CROCC: variants seen among roughly 807,000 people sequenced by gnomAD.
CROCC encodes ciliary rootlet coiled-coil, rootletin.
CROCC carries 180 observed loss-of-function variants against 245.2 expected under a neutral mutation model. The observed-to-expected ratio is 0.73, with a 90% CI of 0.65 to 0.83. The LOEUF is 0.83. CROCC is among the 40% of genes least tolerant of loss of function. The pLI, the probability that CROCC is intolerant of heterozygous loss-of-function variation, is 0.00. For synonymous variants in CROCC, 1,205 were observed against 1,241.6 expected (o/e 0.97, Z 0.62); for missense variants, 2,688 against 2,779.4 (o/e 0.97, Z 0.74).
chr1:16,966,213 C>T lies in CROCC; in HGVS notation c.4696+94C>T, dbSNP rs2076415349. 2 of 1,517,548 alleles carry T rather than the reference C, an allele frequency of 1.3e-6. No homozygotes were observed. The highest frequency in any genetic ancestry group is 2.0e-5 in the Admixed American group (1 of 49,212). The allele number at this position is 1,517,548 out of a possible 1,614,324, so 94.0% of individuals were successfully genotyped here. On this transcript the variant is annotated intron_variant, in intron 29 of 36. Transcript: ENST00000375541. The surrounding 1 kb of genome is among the most constrained non-coding windows in gnomAD (Gnocchi z 4.8). Reference sequence around the variant, plus strand: ...ATTGGCCTCTGACCTTGCCGTGGCCCCCATGACCTGACTCGGGGCTGTCTC... The same window carrying T: ...ATTGGCCTCTGACCTTGCCGTGGCCTCCATGACCTGACTCGGGGCTGTCTC...
chr1:16,966,297 GCAGA>G lies in CROCC; in HGVS notation c.4697-107_4697-104del. 3 of 1,433,174 alleles carry G rather than the reference GCAGA, an allele frequency of 2.1e-6. No individual in the cohort carries two copies. In the South Asian group the frequency reaches 4.3e-5, roughly 20 times the overall value. The allele number at this position is 1,433,174 out of a possible 1,614,324, so 88.8% of individuals were successfully genotyped here. A position where few individuals can be genotyped will look rare whatever the true frequency, so the allele number is the denominator to read the frequency against. ...TGCAGGCCCGCATACTACGAAGGGT[GCAGA>G]CAGTCTGGCCCTGCACTGGGTGGAG... On this transcript the variant is annotated intron_variant, in intron 29 of 36. Transcript: ENST00000375541. The surrounding 1 kb of genome is among the most constrained non-coding windows in gnomAD (Gnocchi z 4.8).
At chr1:16,934,892 C>CTTTTTTTTTTTTTTTTTTTTTTTTT (rs556637657) in intron 8 of CROCC, among the ~76,000 whole-genome samples, 3 of 128,492 alleles carry the variant, frequency 2.3e-5, no homozygotes, top group African/African-American at 5.7e-5. Flanking sequence ...TCAGCAGTTT[C>CTTTTTTTTTTTTTTTTTTTTTTTTT]TTTTTTTTTT....
In CROCC at chr1:16,960,809, C is replaced by T; in HGVS notation, c.4084C>T (p.Arg1362Cys). Residue 1362 changes from arginine (R) to cysteine (C), a missense_variant, in exon 27 of 37, where the codon CGC becomes TGC. Arg to Cys is a radical substitution (Grantham distance 180, BLOSUM62 -3). This residue lies in a region of CROCC where 1,218 missense variants were observed against 1,286.3 expected (regional missense o/e 0.95). Transcript: ENST00000375541. ...LQEQEGEFRT[R>C]ERRLLGSLEE... ...GGAACAAGAAGGCGAGTTCCGGACC[C>T]GCGAGCGACGCCTGCTGGGCTCCCT... 3 of 1,524,480 alleles carry T rather than the reference C, an allele frequency of 2.0e-6. No homozygotes were observed. The highest frequency in any genetic ancestry group is 2.6e-6 in the Non-Finnish European group (3 of 1,142,200). 94.4% of individuals were successfully genotyped at this position (1,524,480 alleles called of 1,614,324 possible).
intron 17 of CROCC, among the ~76,000 whole-genome samples, chr1:16,947,499 A>AATAATAATAATG (rs1444933787): frequency 1.3e-3 from 199 of 150,614 alleles, no homozygotes; most frequent in Non-Finnish European, 1.8e-3. Context: ...TAATAATAAT[A>AATAATAATAATG]ATGATACAGA....
chr1:16,921,875 G>T (rs902845374), upstream of CROCC: 2 of 788,272 alleles, frequency 2.5e-6, no homozygotes, highest in African/African-American at 1.7e-5. Flanking sequence ...TCCTCCCACC[G>T]CGGTGGTCAC....
intron 11 of CROCC, 86 bp from the exon 12 acceptor site, chr1:16,938,823 C>T (rs1259162374): frequency 7.6e-7 from 1 of 1,324,500 alleles, no homozygotes; most frequent in Non-Finnish European, 1.1e-6. Context: ...TGAGGCAGCC[C>T]CCAGCCTCAC....
At chr1:16,928,516 G>A (rs1404837254) in intron 3 of CROCC, among the ~76,000 whole-genome samples, 5 of 152,076 alleles carry the variant, frequency 3.3e-5, no homozygotes, top group Non-Finnish European at 7.4e-5. Context: ...TTAAGATGGA[G>A]TCTTGGGCCG....
rs760611346 is a variant in CROCC, at chr1:16,939,046, C to A, written c.1512C>A (p.Gly504=). Residue 504 remains glycine, a synonymous_variant, in exon 12 of 37, where the codon GGC becomes GGA. Transcript: ENST00000375541. ...SPPRRSSPGR[G]RSPRRGPSPA... ...CGCGGCGCTCCTCGCCCGGCCGAGG[C>A]CGTTCACCCCGCCGAGGCCCCTCCC... 4 of 1,590,586 alleles carry A rather than the reference C, an allele frequency of 2.5e-6. No homozygotes were observed. Among genetic ancestry groups the A allele is most frequent in the Middle Eastern group, 1.9e-4 (1 of 5,138 alleles).
intron 13 of CROCC, among the ~76,000 whole-genome samples, chr1:16,943,103 G>A (rs1333655584): frequency 3.3e-5 from 5 of 152,244 alleles, no homozygotes; most frequent in Non-Finnish European, 7.3e-5. Flanking sequence ...TTAGCCATCC[G>A]TGGTGGCACA....
At chr1:16,955,857 G>C (rs1408827431) in intron 24 of CROCC, 140 bp from the exon 25 acceptor site, 1 of 1,074,082 alleles carries the variant, frequency 9.3e-7, no homozygotes, top group Non-Finnish European at 1.3e-6. Context: ...GCCCTGCAGG[G>C]CTCAGGGCTT....
chr1:16,922,574 C>G (rs2075431797), intron 1 of CROCC, 89 bp from the exon 2 acceptor site: 2 of 1,497,692 alleles, frequency 1.3e-6, no homozygotes, highest in Non-Finnish European at 1.8e-6. Context: ...GGACCTGTAT[C>G]TTGGGCAGTA....
intron 33 of CROCC, 54 bp downstream of exon 33, chr1:16,969,988 G>A (rs1209312465): frequency 1.3e-6 from 2 of 1,518,396 alleles, no homozygotes; most frequent in African/African-American, 1.4e-5. Flanking sequence ...CCCTAGGATA[G>A]GGTGGGGACG....
At chr1:16,937,334 CAG>C (rs1199503189) in intron 9 of CROCC, among the ~76,000 whole-genome samples, 1 of 148,160 alleles carries the variant, frequency 6.7e-6, no homozygotes, top group Admixed American at 6.9e-5. Context: ...GCCTGGATGA[CAG>C]AGCGAAACTC....
chr1:16,972,512 C>CA lies in CROCC; in HGVS notation c.*66_*67insA, dbSNP rs2076539122. The CA allele has an allele frequency of 1.1e-6, 1 of 933,068 alleles. No homozygotes were observed. Among genetic ancestry groups the CA allele is most frequent in the Admixed American group, 3.5e-5 (1 of 28,884 alleles). The allele number at this position is 933,068 out of a possible 1,614,324, so 57.8% of individuals were successfully genotyped here. On this transcript the variant is annotated 3_prime_UTR_variant, in exon 37 of 37. Transcript: ENST00000375541. The stretch of plus-strand genomic sequence containing the variant: ...AGGGGAGGACCCTTCTTTTGGACAG[C>CA]CCCCCCACCCAGAGCCCGGTCCCTT...
Position 16,961,147 on chromosome 1 carries a change from G to A in CROCC, c.4405+17G>A, listed in dbSNP as rs1383941244. The A allele has an allele frequency of 3.8e-6, 5 of 1,300,090 alleles. No homozygotes were observed. Among genetic ancestry groups the A allele is most frequent in the Non-Finnish European group, 4.9e-6 (5 of 1,025,242 alleles). The allele number at this position is 1,300,090 out of a possible 1,614,324, so 80.5% of individuals were successfully genotyped here. ...CCGCAGAAGGTAAGGGCAGTGCCGC[G>A]CGCAGGGAAGGGGGGAGGTGGGCGG... is the stretch of plus-strand genomic sequence containing the variant. On this transcript the variant is annotated intron_variant, in intron 27 of 36. Coordinates refer to ENST00000375541, the MANE Select transcript of CROCC (RefSeq NM_014675.5).
chr1:16,960,703 G>T (rs1048608289), intron 26 of CROCC, 55 bp from the exon 27 acceptor site: 1 of 1,427,866 alleles, frequency 7.0e-7, no homozygotes, highest in East Asian at 2.8e-5. Context: ...CCTTAGGGGT[G>T]GGGCGTCGGG....
chr1:16,938,180 C>A lies in CROCC; in HGVS notation c.1291-220C>A, dbSNP rs544838945. On this transcript the variant is annotated intron_variant, in intron 10 of 36. Coordinates refer to ENST00000375541, the MANE Select transcript of CROCC (RefSeq NM_014675.5). ...GGCCTGGGTTCTAGGTCCGGCTCTC[C>A]TGCAATCGACTGTGTGACCTGGGGC... is the stretch of plus-strand genomic sequence containing the variant. 3.3e-5 allele frequency among the ~76,000 whole-genome samples: 5 copies of A among 152,388 alleles called. No individual in the cohort carries two copies. In the East Asian group the frequency reaches 7.7e-4, roughly 23 times the overall value.
chr1:16,942,011 T>G (rs116576409), intron 13 of CROCC, among the ~76,000 whole-genome samples: 5,331 of 151,356 alleles, frequency 0.035, no homozygotes, highest in Middle Eastern at 0.058. Context: ...CTTGAAGATT[T>G]TTTTTTTCTC....
intron 14 of CROCC, 70 bp downstream of exon 14, chr1:16,944,352 G>A: frequency 1.4e-6 from 2 of 1,402,888 alleles, no homozygotes; most frequent in Non-Finnish European, 1.9e-6. Flanking sequence ...GTGCCCCCCT[G>A]GGGTTAGGTG....
Sources: gnomAD v4.1 joint callset for allele counts (sites outside exome capture counted in the v4.1 genomes callset) on GRCh38, gnomAD v4.1.1 for gene constraint, gnomAD v4.1.1 regional missense constraint, Gnocchi (gnomAD v3.1) non-coding constraint, MANE v1.5 for transcripts, NCBI Gene and HGNC (gene_info 2026-07-23, HGNC 2026-07-21) for gene names.